NOX5: variants seen among roughly 807,000 people sequenced by gnomAD.
The protein encoded by NOX5 is NADPH oxidase, EF-hand calcium binding domain 5.
NOX5 carries 76 observed loss-of-function variants against 85.7 expected under a neutral mutation model. The ratio of observed to expected loss-of-function variants is 0.89; its 90% CI spans 0.74 to 1.07. The LOEUF (loss-of-function observed/expected upper bound fraction) is 1.07, where lower values mean the gene tolerates loss of function less well. NOX5 is among the 50% of genes least tolerant of loss of function. The probability of loss-of-function intolerance (pLI) is 0.00; values close to 1 mark genes in which losing one functional copy is unlikely to be tolerated. For synonymous variants in NOX5, 405 were observed against 401.4 expected (o/e 1.01, Z -0.11); for missense variants, 973 against 999.5 (o/e 0.97, Z 0.36).
At chr15:69,026,468 T>C in intron 1 of NOX5, 60 bp from the exon 2 acceptor site, 8 of 1,608,608 alleles carry the variant, frequency 5.0e-6, no homozygotes, top group East Asian at 2.2e-5. Context: ...GGGACCACCA[T>C]GAGACCTCAT....
At chr15:69,043,656 G>C (rs1374188210) in intron 10 of NOX5, 1 of 152,222 alleles carries the variant, frequency 6.6e-6, no homozygotes, top group African/African-American at 2.4e-5. Context: ...AACGTTCTCG[G>C]CTGTTAATCA....
chr15:69,035,525 G>T lies in NOX5; in HGVS notation c.1009+18G>T, dbSNP rs2050503607. 1 of 1,613,128 alleles carries T rather than the reference G, an allele frequency of 6.2e-7. No individual in the cohort carries two copies. The highest frequency in any genetic ancestry group is 1.3e-5 in the African/African-American group (1 of 74,940). On this transcript the variant is annotated intron_variant, in intron 6 of 15. Transcript: ENST00000388866. ...GAACTTTGGTGAGTGATCTGGGGCA[G>T]GGTTGGGTCGGGGAGAAGCTTGAGC...
In NOX5 at chr15:69,035,778, G is replaced by T. The variant is rs764203286; in HGVS notation, c.1030G>T (p.Ala344Ser). 11 of 1,614,040 alleles carry T rather than the reference G, an allele frequency of 6.8e-6. No homozygotes were observed. Among genetic ancestry groups the T allele is most frequent in the Non-Finnish European group, 9.3e-6 (11 of 1,180,038 alleles). The change falls in exon 7 of 16, where the codon GCC becomes TCC. Residue 344 changes from alanine (A) to serine (S), a missense_variant. Coordinates refer to ENST00000388866, the MANE Select transcript of NOX5 (RefSeq NM_024505.4). ...VNFVLQAQAEASPFQFWELLL... is the reference protein window; with the variant it reads ...VNFVLQAQAESSPFQFWELLL... Reference sequence around the variant, plus strand: ...TCCAGTACTCCAGGCTCAGGCGGAGGCCAGCCCTTTCCAGTTCTGGGAGCT... The same window carrying T: ...TCCAGTACTCCAGGCTCAGGCGGAGTCCAGCCCTTTCCAGTTCTGGGAGCT...
chr15:69,040,916 G>A (rs2050586655), intron 9 of NOX5, among the ~76,000 whole-genome samples: 1 of 152,088 alleles, frequency 6.6e-6, no homozygotes, highest in Non-Finnish European at 1.5e-5. Flanking sequence ...TTGAACTCCT[G>A]ACCTCAGGTG....
At chr15:69,034,796 G>T (rs907390744) in intron 5 of NOX5, among the ~76,000 whole-genome samples, 3 of 152,196 alleles carry the variant, frequency 2.0e-5, no homozygotes, top group African/African-American at 7.2e-5. Flanking sequence ...AGGCTGGAGT[G>T]CAGTGGACTG....
In NOX5 at chr15:69,061,861, A is replaced by T. The variant is rs115224402; in HGVS notation, c.*5165A>T. 2.6e-5 allele frequency: 4 copies of T among 152,334 alleles called. No individual in the cohort carries two copies. Among genetic ancestry groups the T allele is most frequent in the African/African-American group, 9.6e-5 (4 of 41,572 alleles). The allele number at this position is 152,334 out of a possible 1,614,324, so 9.4% of individuals were successfully genotyped here. A position where few individuals can be genotyped will look rare whatever the true frequency, so the allele number is the denominator to read the frequency against. On this transcript the variant is annotated 3_prime_UTR_variant, in exon 16 of 16. Coordinates refer to ENST00000388866, the MANE Select transcript of NOX5 (RefSeq NM_024505.4). ...TTTTAGTGTGGCAGGGAAGAAAAGG[A>T]TGCATTTTTTGGTAAAGGAAAAAAA...
rs769118589 is a variant in NOX5, at chr15:69,035,845, C to T, written c.1097C>T (p.Ser366Leu). The T allele has an allele frequency of 4.1e-5, 66 of 1,614,046 alleles. No homozygotes were observed. The highest frequency in any genetic ancestry group is 5.3e-5 in the African/African-American group (4 of 74,922). ...CCTGGCATTGGCTGGGTACACGGTT[C>T]GGCCTCCCCGACAGGTGTCGCTCTG... The part of the protein sequence containing the change: ...TRPGIGWVHG[S>L]ASPTGVALLL... Residue 366 changes from serine (S) to leucine (L), a missense_variant, in exon 7 of 16, where the codon TCG (serine) becomes TTG (leucine). Ser to Leu is a moderately radical substitution (Grantham distance 145). Transcript: ENST00000388866.
At chr15:69,047,589 C>T in intron 12 of NOX5, 52 bp downstream of exon 12, 12 of 1,580,670 alleles carry the variant, frequency 7.6e-6, no homozygotes, top group Non-Finnish European at 1.0e-5. Flanking sequence ...CCCCAAGGCG[C>T]CCTCCCTGCT....
chr15:69,048,005 G>A, intron 13 of NOX5, 94 bp downstream of exon 13: 1 of 1,078,628 alleles, frequency 9.3e-7, no homozygotes, highest in South Asian at 1.3e-5. Flanking sequence ...GGTGGGAGCG[G>A]ATAGGTGATC....
chr15:69,043,131 G>A, intron 10 of NOX5, among the ~76,000 whole-genome samples: 1 of 152,170 alleles, frequency 6.6e-6, no homozygotes, highest in East Asian at 1.9e-4. Context: ...CTTTTGGTTT[G>A]TTCATCTATA....
intron 7 of NOX5, 144 bp from the exon 8 acceptor site, chr15:69,036,884 C>G: frequency 1.5e-6 from 1 of 680,954 alleles, no homozygotes; most frequent in Non-Finnish European, 2.6e-6. Flanking sequence ...CTTCCCAGCC[C>G]CAACATCTTA....
chr15:69,026,282 T>C (rs1378126390), intron 1 of NOX5, among the ~76,000 whole-genome samples: 2 of 152,164 alleles, frequency 1.3e-5, no homozygotes, highest in Admixed American at 6.5e-5. Context: ...GGCCCTGTCA[T>C]TTCAGAACCT....
chr15:69,049,059 GT>G lies in NOX5; in HGVS notation c.1999+2del. On this transcript the variant is annotated splice_donor_variant, in intron 14 of 15. Coordinates refer to ENST00000388866, the MANE Select transcript of NOX5 (RefSeq NM_024505.4). LOFTEE classifies it high-confidence loss of function. ...GACCAGGCCGAGGAGGCTCAATACG[GT>G]AAGAGAGGGACAGGGCCTGAGGGCA... 1 of 1,607,704 alleles carries G rather than the reference GT, an allele frequency of 6.2e-7. No homozygotes were observed. The highest frequency in any genetic ancestry group is 8.5e-7 in the Non-Finnish European group (1 of 1,176,568).
intron 1 of NOX5, among the ~76,000 whole-genome samples, chr15:69,016,943 C>A (rs1442432972): frequency 6.6e-6 from 1 of 152,048 alleles, no homozygotes; most frequent in African/African-American, 2.4e-5. Context: ...TAGTTCAGGC[C>A]ATCATGGGAA....
intron 7 of NOX5, among the ~76,000 whole-genome samples, chr15:69,036,205 A>G (rs553992949): frequency 3.3e-4 from 51 of 152,332 alleles, no homozygotes; most frequent in African/African-American, 1.2e-3. Context: ...AAAACAGTAC[A>G]GGGAGGGGAA....
chr15:69,045,581 C>G (rs927315880), intron 10 of NOX5, among the ~76,000 whole-genome samples: 2 of 23,442 alleles, frequency 8.5e-5, no homozygotes, highest in Non-Finnish European at 1.5e-4. Flanking sequence ...CCCTTTCTTT[C>G]TTTTCTTTCT....
intron 13 of NOX5, 80 bp downstream of exon 13, chr15:69,047,991 C>A: frequency 1.5e-6 from 2 of 1,290,334 alleles, no homozygotes; most frequent in Non-Finnish European, 2.2e-6. Flanking sequence ...TCCTCCTGTG[C>A]AAAGGTGGGA....
At chr15:69,028,074 G>A (rs2050381749) in intron 2 of NOX5, 141 bp from the exon 3 acceptor site, 6 of 847,718 alleles carry the variant, frequency 7.1e-6, no homozygotes, top group Admixed American at 2.5e-5. Flanking sequence ...TGGGTGTTCA[G>A]GCACCTGAGT....
intron 1 of NOX5, among the ~76,000 whole-genome samples, chr15:69,015,348 G>A (rs1476049603): frequency 6.6e-6 from 1 of 152,056 alleles, no homozygotes; most frequent in African/African-American, 2.4e-5. Context: ...CTCTCCCCTT[G>A]CACAGGCCCA....
Sources: gnomAD v4.1 joint callset for allele counts (sites outside exome capture counted in the v4.1 genomes callset) on GRCh38, gnomAD v4.1.1 for gene constraint, MANE v1.5 for transcripts, NCBI Gene and HGNC (gene_info 2026-07-23, HGNC 2026-07-21) for gene names.